Variants in MYO6 observed in about 807,000 individuals in gnomAD.
MYO6 encodes the protein myosin VI.
A neutral mutation model predicts 178.7 loss-of-function variants in MYO6; 74 were observed. That is an observed-to-expected ratio of 0.41 (90% CI 0.34 to 0.50). MYO6 has a LOEUF of 0.50. Ranked by LOEUF, MYO6 falls within the 20% of genes least tolerant of loss-of-function variation. MYO6 has a pLI of 0.09. For missense variants in MYO6, 1,330 were observed against 1,547.4 expected (o/e 0.86, Z 2.36); for synonymous variants, 477 against 504.6 (o/e 0.95, Z 0.73).
chr6:75,890,196 T>C lies in MYO6; in HGVS notation c.2798T>C (p.Met933Thr). 2 of 1,607,550 alleles carry C rather than the reference T, an allele frequency of 1.2e-6. No homozygotes were observed. The highest frequency in any genetic ancestry group is 1.7e-6 in the Non-Finnish European group (2 of 1,177,000). Residue 933 changes from methionine to threonine, a missense_variant, in exon 26 of 35, where the codon ATG becomes ACG. Physicochemically the swap from Met to Thr is moderately conservative, Grantham distance 81. Transcript: ENST00000369977. ...AERLRRIQEE[M>T]EKERKRREED... Reference sequence around the variant, plus strand: ...AGGCTGAGGCGTATTCAAGAAGAAATGGAAAAGGAAAGAAAAAGACGTGAA... The same window carrying C: ...AGGCTGAGGCGTATTCAAGAAGAAACGGAAAAGGAAAGAAAAAGACGTGAA...
At chr6:75,866,164 T>C (rs564529853) in intron 16 of MYO6, among the ~76,000 whole-genome samples, 126 of 152,318 alleles carry the variant, frequency 8.3e-4, no homozygotes, top group Middle Eastern at 6.8e-3. Context: ...CTCTGTAAAA[T>C]GCCAACTGGG....
intron 1 of MYO6, among the ~76,000 whole-genome samples, chr6:75,816,691 A>T (rs1266564467): frequency 6.6e-6 from 1 of 152,196 alleles, no homozygotes; most frequent in African/African-American, 2.4e-5. Flanking sequence ...ATTCTCAGAG[A>T]GTGAGGGAAA....
At chr6:75,879,735 G>A (rs1583345509) in intron 20 of MYO6, 85 bp from the exon 21 acceptor site, 4 of 1,592,416 alleles carry the variant, frequency 2.5e-6, no homozygotes, top group East Asian at 4.5e-5. Context: ...TTTCTAAACA[G>A]TATCTTACAA....
chr6:75,850,244 A>G (rs1016954790), intron 11 of MYO6, among the ~76,000 whole-genome samples: 1 of 152,174 alleles, frequency 6.6e-6, no homozygotes, highest in Non-Finnish European at 1.5e-5. Flanking sequence ...GTGTGCATAT[A>G]GGGAAAGAGC....
intron 22 of MYO6, among the ~76,000 whole-genome samples, chr6:75,881,347 T>A (rs928798102): frequency 6.6e-6 from 1 of 152,096 alleles, no homozygotes; most frequent in Non-Finnish European, 1.5e-5. Context: ...GGTGAGCCAA[T>A]TCAGAGATAC....
At chr6:75,899,655 G>C (rs1300461411) in intron 30 of MYO6, among the ~76,000 whole-genome samples, 2 of 148,578 alleles carry the variant, frequency 1.3e-5, no homozygotes. Context: ...AGCTAAAACA[G>C]ATTTTAATCA....
rs1319558299 is a variant in MYO6 at position 75,892,554 on chromosome 6, C to A, written c.2971C>A (p.Arg991=). The A allele has an allele frequency of 6.2e-7, 1 of 1,613,714 alleles. No homozygotes were observed. Among genetic ancestry groups the A allele is most frequent in the Non-Finnish European group, 8.5e-7 (1 of 1,180,018 alleles). The change falls in exon 28 of 35, where the codon CGA becomes AGA. Residue 991 remains arginine, a synonymous_variant. Coordinates refer to ENST00000369977, the MANE Select transcript of MYO6 (RefSeq NM_004999.4). ...GGCTGAAGTGGAGGCACAGCTGGCCCGACAGAAGGAGGAGGAATCCCAACA... is the reference window on the plus strand; with the variant it reads ...GGCTGAAGTGGAGGCACAGCTGGCCAGACAGAAGGAGGAGGAATCCCAACA... The part of the protein sequence containing the change: ...IQAEVEAQLA[R]QKEEESQQQA...
intron 1 of MYO6, among the ~76,000 whole-genome samples, chr6:75,782,279 C>T (rs904255496): frequency 2.6e-5 from 4 of 152,076 alleles, no homozygotes; most frequent in Non-Finnish European, 1.5e-5. Context: ...TTTATATTGT[C>T]ATAGATTTTG....
chr6:75,860,551 G>A (rs1240356221), intron 14 of MYO6, among the ~76,000 whole-genome samples: 1 of 152,160 alleles, frequency 6.6e-6, no homozygotes. Flanking sequence ...TGTTTAAGTG[G>A]ACAGTGCCTT....
chr6:75,868,096 G>C (rs1218049441), intron 18 of MYO6, among the ~76,000 whole-genome samples: 2 of 151,954 alleles, frequency 1.3e-5, no homozygotes, highest in Non-Finnish European at 2.9e-5. Flanking sequence ...TTATGGTACT[G>C]ATAATATAAG....
intron 1 of MYO6, among the ~76,000 whole-genome samples, chr6:75,804,182 C>G (rs888918790): frequency 7.2e-5 from 11 of 152,274 alleles, no homozygotes; most frequent in Non-Finnish European, 1.2e-4. Flanking sequence ...TAAAGGGAAC[C>G]CTGCTGAAAT....
At chr6:75,859,633 T>C (rs1583293082) in intron 14 of MYO6, among the ~76,000 whole-genome samples, 2 of 149,550 alleles carry the variant, frequency 1.3e-5, no homozygotes, top group Non-Finnish European at 3.0e-5. Flanking sequence ...CAAACAACCT[T>C]CTACCCGCAT....
At chr6:75,824,307 A>G (rs1330814934) in intron 3 of MYO6, among the ~76,000 whole-genome samples, 5 of 152,224 alleles carry the variant, frequency 3.3e-5, no homozygotes, top group Non-Finnish European at 5.9e-5. Flanking sequence ...GCCAGATGGC[A>G]GCAGTGTTAA....
intron 1 of MYO6, among the ~76,000 whole-genome samples, chr6:75,772,236 A>G (rs1765965985): frequency 6.6e-6 from 1 of 152,040 alleles, no homozygotes. Context: ...AAGATTCTTC[A>G]TGTCTTACCT....
chr6:75,761,850 A>G (rs545710101), intron 1 of MYO6, among the ~76,000 whole-genome samples: 1 of 152,112 alleles, frequency 6.6e-6, no homozygotes, highest in Admixed American at 6.5e-5. Context: ...TTTATGTCAG[A>G]TGGGTTCGGG....
chr6:75,913,449 T>G (rs1312056696), intron 33 of MYO6, among the ~76,000 whole-genome samples: 2 of 152,206 alleles, frequency 1.3e-5, no homozygotes, highest in East Asian at 3.8e-4. Flanking sequence ...AGGGAAAGTT[T>G]ATGCTTACTG....
At chr6:75,780,121 G>T (rs1766806770) in intron 1 of MYO6, among the ~76,000 whole-genome samples, 1 of 152,156 alleles carries the variant, frequency 6.6e-6, no homozygotes, top group South Asian at 2.1e-4. Flanking sequence ...TAGTGGCAAA[G>T]ATCATTGTTA....
At chr6:75,834,195 T>C (rs1290844344) in intron 6 of MYO6, among the ~76,000 whole-genome samples, 1 of 148,502 alleles carries the variant, frequency 6.7e-6, no homozygotes, top group African/African-American at 2.5e-5. Context: ...CTCTCTGCAT[T>C]GTGTTTTTTT....
At chr6:75,761,110 G>T (rs1206579399) in intron 1 of MYO6, among the ~76,000 whole-genome samples, 2 of 152,028 alleles carry the variant, frequency 1.3e-5, no homozygotes, top group Non-Finnish European at 2.9e-5. Flanking sequence ...TGTTCATCTT[G>T]GTTGATCTTT....
Sources: allele counts gnomAD v4.1 joint callset (sites outside exome capture counted in the v4.1 genomes callset), GRCh38; gene constraint gnomAD v4.1.1; transcripts MANE v1.5; gene names NCBI Gene and HGNC (gene_info 2026-07-23, HGNC 2026-07-21).